GNAS-AS1: variants seen among roughly 807,000 people sequenced by gnomAD.
GNAS-AS1 encodes GNAS antisense RNA 1 (non-protein coding).
intron 4 of GNAS-AS1, chr20:58,833,674 T>G (rs1490930872): frequency 6.6e-6 from 1 of 152,160 alleles, no homozygotes; most frequent in Non-Finnish European, 1.5e-5. Flanking sequence ...GATTATCAAC[T>G]CGTCCAGATC....
At chr20:58,842,292 G>GT (rs2085769841) in intron 3 of GNAS-AS1, 1 of 397,482 alleles carries the variant, frequency 2.5e-6, no homozygotes, top group Non-Finnish European at 4.4e-6. Flanking sequence ...TTTTTTCCTG[G>GT]TGTGCGTGTC....
intron 4 of GNAS-AS1, among the ~76,000 whole-genome samples, chr20:58,838,186 G>A (rs578053045): frequency 6.6e-6 from 1 of 152,264 alleles, no homozygotes; most frequent in South Asian, 2.1e-4. Context: ...TGGCCAAAAA[G>A]GCACCCCATA....
intron 4 of GNAS-AS1, chr20:58,834,402 T>C (rs2145460492): frequency 6.6e-6 from 1 of 152,346 alleles, no homozygotes; most frequent in East Asian, 1.9e-4. Flanking sequence ...GGGACAATGA[T>C]GTCTCAACTG....
chr20:58,825,563 T>TA (rs2085513985), intron 4 of GNAS-AS1, among the ~76,000 whole-genome samples: 1 of 152,146 alleles, frequency 6.6e-6, no homozygotes. Context: ...TGTATTTACA[T>TA]AAAAAAACAG....
chr20:58,840,079 G>C lies in GNAS-AS1; in HGVS notation n.819+1858C>G. On this transcript the variant is annotated intron_variant and non_coding_transcript_variant, in intron 4 of 4. Coordinates refer to ENST00000424094, the Ensembl canonical transcript of GNAS-AS1. The surrounding 1 kb of genome is among the most constrained non-coding windows in gnomAD (Gnocchi z 6.0). ...CACTCTCTGCAGAGCCAGAGGGCAG[G>C]CCGGCTTCTCGGTGTGTGCCTAAGA... 1 of 1,608,236 alleles carries C rather than the reference G, an allele frequency of 6.2e-7. No individual in the cohort carries two copies. The highest frequency in any genetic ancestry group is 8.5e-7 in the Non-Finnish European group (1 of 1,179,842).
At chr20:58,850,597 A>C (rs552712421) in exon 1 of GNAS-AS1, 53 of 398,902 alleles carry the variant, frequency 1.3e-4, no homozygotes, top group Admixed American at 9.2e-4. Context: ...TGCTCCTCGC[A>C]GTAAGCCCTC....
At chr20:58,831,863 A>G (rs778701402) in intron 4 of GNAS-AS1, among the ~76,000 whole-genome samples, 4 of 152,254 alleles carry the variant, frequency 2.6e-5, no homozygotes, top group Non-Finnish European at 4.4e-5. Context: ...ATATAGCCTC[A>G]AAATCAAGAA....
chr20:58,847,545 A>C (rs2085984139), intron 2 of GNAS-AS1, among the ~76,000 whole-genome samples: 1 of 152,228 alleles, frequency 6.6e-6, no homozygotes, highest in Non-Finnish European at 1.5e-5. Context: ...ATAGTTGCCT[A>C]AATTCTTTTC....
intron 4 of GNAS-AS1, among the ~76,000 whole-genome samples, chr20:58,826,371 C>A (rs1441049806): frequency 6.6e-6 from 1 of 152,166 alleles, no homozygotes; most frequent in Non-Finnish European, 1.5e-5. Flanking sequence ...CACTGCCTTT[C>A]ATGCATAAAA....
intron 4 of GNAS-AS1, among the ~76,000 whole-genome samples, chr20:58,823,511 G>A (rs139749344): frequency 2.0e-5 from 3 of 152,326 alleles, no homozygotes; most frequent in East Asian, 1.9e-4. Context: ...GGTGATGTCC[G>A]CCACAGCTGT....
At chr20:58,828,741 T>C (rs761095588) in intron 4 of GNAS-AS1, among the ~76,000 whole-genome samples, 3 of 152,366 alleles carry the variant, frequency 2.0e-5, no homozygotes, top group East Asian at 1.9e-4. Flanking sequence ...ACCTGTCTGA[T>C]ACCTTGTCTT....
rs116117968 is a variant in GNAS-AS1 at position 58,833,195 on chromosome 20, T to C, written n.819+8742A>G. On this transcript the variant is annotated intron_variant and non_coding_transcript_variant, in intron 4 of 4. Transcript: ENST00000424094. ...TTTTATATGTGGCTCCTCACATGCC[T>C]GAAACCAAATCTGCCATTTGGAAAA... Among the ~76,000 whole-genome samples the C allele has an allele frequency of 8.0e-3, 1,221 of 152,386 alleles. 23 individuals carry two copies. Among genetic ancestry groups the C allele is most frequent in the African/African-American group, 0.028 (1,173 of 41,592 alleles).
chr20:58,850,707 A>G (rs2086125130), exon 1 of GNAS-AS1: 1 of 398,808 alleles, frequency 2.5e-6, no homozygotes, highest in Non-Finnish European at 4.4e-6. Context: ...GCCTGCCGCC[A>G]TCAACACACC....
At position 58,841,315 on chromosome 20, in the gene GNAS-AS1, T is replaced by G; in HGVS notation, n.819+622A>C. 1 of 1,051,236 alleles carries G rather than the reference T, an allele frequency of 9.5e-7. No individual in the cohort carries two copies. Among genetic ancestry groups the G allele is most frequent in the Non-Finnish European group, 1.1e-6 (1 of 870,918 alleles). 65.1% of individuals were successfully genotyped at this position (1,051,236 alleles called of 1,614,324 possible). A position where few individuals can be genotyped will look rare whatever the true frequency, so the allele number is the denominator to read the frequency against. On this transcript the variant is annotated intron_variant and non_coding_transcript_variant, in intron 4 of 4. Transcript: ENST00000424094. This position sits in a 1 kb window ranked among gnomAD's most constrained non-coding sequence, Gnocchi z 5.0. ...AGGTGTCCAAAATGTGGTTCGGAGGTGCGCGCGCCAACTTTCACGATGTGA... is the reference window on the plus strand; with the variant it reads ...AGGTGTCCAAAATGTGGTTCGGAGGGGCGCGCGCCAACTTTCACGATGTGA...
intron 4 of GNAS-AS1, among the ~76,000 whole-genome samples, chr20:58,833,289 C>A (rs2085579589): frequency 6.6e-6 from 1 of 152,212 alleles, no homozygotes; most frequent in African/African-American, 2.4e-5. Context: ...GTGACGGCTG[C>A]TTCCTGAGGG....
At chr20:58,825,921 C>T (rs990486792) in intron 4 of GNAS-AS1, 36 of 395,154 alleles carry the variant, frequency 9.1e-5, no homozygotes, top group African/African-American at 1.4e-4. Context: ...CACAAAGCCA[C>T]GACAACTGGT....
At chr20:58,827,044 C>T (rs1465997864) in intron 4 of GNAS-AS1, 2 of 151,868 alleles carry the variant, frequency 1.3e-5, no homozygotes, top group Admixed American at 1.3e-4. Context: ...GCTCAGTCAC[C>T]TTCATGAAGG....
chr20:58,835,056 A>G (rs2085593459), intron 4 of GNAS-AS1, among the ~76,000 whole-genome samples: 2 of 151,302 alleles, frequency 1.3e-5, no homozygotes, highest in African/African-American at 4.9e-5. Context: ...GCTGAGCCAA[A>G]TGCTTCTGCA....
At chr20:58,830,643 C>CCGT in intron 4 of GNAS-AS1, among the ~76,000 whole-genome samples, 1 of 104,266 alleles carries the variant, frequency 9.6e-6, no homozygotes, top group Non-Finnish European at 2.1e-5. Context: ...CGCCACACCA[C>CCGT]CACACCACCA....
Sources: allele counts gnomAD v4.1 joint callset (sites outside exome capture counted in the v4.1 genomes callset), GRCh38; gene constraint gnomAD v4.1.1; non-coding constraint Gnocchi (gnomAD v3.1); transcripts MANE v1.5; gene names NCBI Gene and HGNC (gene_info 2026-07-23, HGNC 2026-07-21).